The following PHKA2 variants were observed in gnomAD, a reference collection of about 807,000 sequenced individuals.
PHKA2 encodes phosphorylase b kinase regulatory subunit alpha, liver isoform.
In PHKA2, 31 loss-of-function variants were observed where a neutral mutation model predicts 102.0. The ratio of observed to expected loss-of-function variants is 0.30; its 90% CI spans 0.23 to 0.41. PHKA2 has a LOEUF of 0.41. Ranked by LOEUF, PHKA2 falls within the 10% of genes least tolerant of loss-of-function variation. PHKA2 has a pLI of 1.00. For missense variants in PHKA2, 858 were observed against 1,023.1 expected, an observed-to-expected ratio of 0.84 and a Z score of 2.20; for synonymous variants, 455 against 416.2, an observed-to-expected ratio of 1.09 and a Z score of -1.13.
chrX:18,964,655 G>A (rs2048914465), intron 1 of PHKA2, among the ~76,000 whole-genome samples: 2 of 112,427 alleles, frequency 1.8e-5, no homozygotes, highest in Admixed American at 1.9e-4. Context: ...TTAAAGAGGA[G>A]TGGGGAAGAG....
intron 1 of PHKA2, among the ~76,000 whole-genome samples, chrX:18,955,033 A>G (rs2048754344): frequency 8.9e-6 from 1 of 112,991 alleles, no homozygotes; most frequent in African/African-American, 3.2e-5. Context: ...CTTGCCACAA[A>G]AAATTATACA....
At chrX:18,903,484 G>T (rs1284372155) in intron 26 of PHKA2, among the ~76,000 whole-genome samples, 1 of 112,482 alleles carries the variant, frequency 8.9e-6, no homozygotes, top group Non-Finnish European at 1.9e-5. Flanking sequence ...GGGCCTCCTG[G>T]TGCCAGGCCC....
intron 1 of PHKA2, among the ~76,000 whole-genome samples, chrX:18,961,531 G>A (rs954315727): frequency 2.8e-5 from 3 of 108,232 alleles, no homozygotes; most frequent in Non-Finnish European, 5.7e-5. Flanking sequence ...GGTGGTGCGT[G>A]CCTGTAATCC....
At chrX:18,963,644 C>A (rs1184477835) in intron 1 of PHKA2, among the ~76,000 whole-genome samples, 1 of 112,051 alleles carries the variant, frequency 8.9e-6, no homozygotes, top group Non-Finnish European at 1.9e-5. Flanking sequence ...CAAATACAAC[C>A]ATGAATGCTT....
At chrX:18,973,858 C>T (rs993326015) in intron 1 of PHKA2, among the ~76,000 whole-genome samples, 1 of 111,987 alleles carries the variant, frequency 8.9e-6, no homozygotes, top group Admixed American at 9.5e-5. Flanking sequence ...ACCCTTAATG[C>T]TGTCCAACGA....
At chrX:18,945,927 CTTTT>C (rs947320262) in intron 5 of PHKA2, among the ~76,000 whole-genome samples, 3 of 109,824 alleles carry the variant, frequency 2.7e-5, no homozygotes, top group African/African-American at 9.9e-5. Flanking sequence ...TTCTTTTTTT[CTTTT>C]TTTTTATTTT....
chrX:18,894,269 T>A lies in PHKA2; in HGVS notation c.3472A>T (p.Ile1158Phe). 2 of 1,211,834 alleles carry A rather than the reference T, an allele frequency of 1.7e-6. No individual in the cohort carries two copies. The highest frequency in any genetic ancestry group is 3.5e-5 in the South Asian group (2 of 57,017). The change falls in exon 32 of 33, where the codon ATC becomes TTC. Residue 1158 changes from isoleucine to phenylalanine, a missense_variant. Transcript: ENST00000379942. ...TLLSDTEMTSIGGIIHVDQIV... is the reference protein window; with the variant it reads ...TLLSDTEMTSFGGIIHVDQIV... ...TGGTCCACGTGGATGATGCCCCCGA[T>A]GCTGGTCATCTCCGTGTCCGAGAGC...
At chrX:18,941,411 G>A in intron 8 of PHKA2, 118 bp downstream of exon 8, 4 of 660,800 alleles carry the variant, frequency 6.1e-6, no homozygotes, top group East Asian at 3.2e-5. Flanking sequence ...AGCTTTGAAC[G>A]CTGTATGCAT....
chrX:18,918,153 C>T (rs2048051913), intron 19 of PHKA2, among the ~76,000 whole-genome samples: 1 of 111,386 alleles, frequency 9.0e-6, no homozygotes, highest in Non-Finnish European at 1.9e-5. Flanking sequence ...TTCACCGATA[C>T]GACTGAGCTT....
At chrX:18,934,703 A>C (rs751674320) in intron 11 of PHKA2, among the ~76,000 whole-genome samples, 1 of 112,828 alleles carries the variant, frequency 8.9e-6, no homozygotes, top group South Asian at 3.6e-4. Context: ...ATAAGGATCA[A>C]GTATCAGATT....
Position 18,907,863 on chromosome X carries a change from G to A in PHKA2, c.2517+37C>T, listed in dbSNP as rs145907302. On this transcript the variant is annotated intron_variant, in intron 22 of 32. Transcript: ENST00000379942. ...TGGAAGAGGAAGGGGGCACGAGCTAGTGAGCACACATGGGCAGCCTGCACA... is the reference window on the plus strand; with the variant it reads ...TGGAAGAGGAAGGGGGCACGAGCTAATGAGCACACATGGGCAGCCTGCACA... The A allele has an allele frequency of 6.0e-4, 719 of 1,196,210 alleles. 3 individuals are homozygous for A. In the African/African-American group the frequency reaches 0.011, roughly 19 times the overall value.
intron 13 of PHKA2, among the ~76,000 whole-genome samples, chrX:18,928,655 C>T (rs186799229): frequency 6.2e-5 from 7 of 112,505 alleles, no homozygotes; most frequent in Non-Finnish European, 1.1e-4. Flanking sequence ...CTACACCAAG[C>T]GCTTTCCCAC....
At chrX:18,948,422 T>C (rs2048621964) in intron 5 of PHKA2, among the ~76,000 whole-genome samples, 1 of 112,035 alleles carries the variant, frequency 8.9e-6, no homozygotes, top group African/African-American at 3.2e-5. Context: ...TGCAGTGAGC[T>C]GAGATCATGC....
At position 18,942,426 on chromosome X, in the gene PHKA2, G is replaced by C. The variant is rs145384793; in HGVS notation, c.718-751C>G. ...TATGAAGAAGGACTTAGGGTACCAT[G>C]TCCAATTCACACCTGAGGACCCTGA... is the stretch of plus-strand genomic sequence containing the variant. On this transcript the variant is annotated intron_variant, in intron 7 of 32. Transcript: ENST00000379942. Among the ~76,000 whole-genome samples, 678 of 112,005 alleles carry C rather than the reference G, an allele frequency of 6.1e-3. 6 individuals carry two copies. The highest frequency in any genetic ancestry group is 0.02 in the African/African-American group (623 of 30,825).
chrX:18,958,649 G>A (rs1273527094), intron 1 of PHKA2, among the ~76,000 whole-genome samples: 2 of 109,287 alleles, frequency 1.8e-5, no homozygotes, highest in African/African-American at 6.7e-5. Flanking sequence ...TGTCTGGGAG[G>A]GAGGGCGGGC....
chrX:18,901,718 G>A, intron 26 of PHKA2, 115 bp from the exon 27 acceptor site: 2 of 550,861 alleles, frequency 3.6e-6, no homozygotes, highest in Non-Finnish European at 6.5e-6. Context: ...CCTGGCCAGC[G>A]CTGTGTCTCC....
rs1248723270 is a variant in PHKA2 at position 18,943,824 on chromosome X, T to C, written c.619-16A>G. ...CAAGAGCTGCCTACAAACACAGGTA[T>C]GAGTTACTTTTTCTTTCTAATAAAC... On this transcript the variant is annotated splice_polypyrimidine_tract_variant and intron_variant, in intron 6 of 32. Transcript: ENST00000379942. 1.8e-6 allele frequency: 2 copies of C among 1,127,787 alleles called. No homozygotes were observed. Among genetic ancestry groups the C allele is most frequent in the Non-Finnish European group, 2.4e-6 (2 of 818,722 alleles). The allele number at this position is 1,127,787 out of a possible 1,213,427, so 92.9% of individuals were successfully genotyped here.
chrX:18,980,957 A>G (rs2148051655), intron 1 of PHKA2, among the ~76,000 whole-genome samples: 1 of 111,993 alleles, frequency 8.9e-6, no homozygotes, highest in East Asian at 2.8e-4. Context: ...CAGAGTTTAG[A>G]ACTTGTTACC....
At chrX:18,961,212 TAATA>T (rs971483376) in intron 1 of PHKA2, among the ~76,000 whole-genome samples, 15 of 112,456 alleles carry the variant, frequency 1.3e-4, no homozygotes, top group African/African-American at 4.9e-4. Context: ...GTTAGGTACC[TAATA>T]AATAAATAAA....
Sources: gnomAD v4.1 joint callset for allele counts (sites outside exome capture counted in the v4.1 genomes callset) on GRCh38, gnomAD v4.1.1 for gene constraint, MANE v1.5 for transcripts, NCBI Gene and HGNC (gene_info 2026-07-23, HGNC 2026-07-21) for gene names.